Variants in ELMOD2 observed in about 807,000 individuals in gnomAD.
ELMOD2 encodes the protein ELMO domain containing 2, also known as ELMO domain-containing protein 2.
A neutral mutation model predicts 41.0 loss-of-function variants in ELMOD2; 28 were observed. The ratio of observed to expected loss-of-function variants is 0.68; its 90% CI spans 0.51 to 0.94. The LOEUF (loss-of-function observed/expected upper bound fraction) is 0.94, where lower values mean the gene tolerates loss of function less well. ELMOD2 is among the 40% of genes least tolerant of loss of function. The pLI, the probability that ELMOD2 is intolerant of heterozygous loss-of-function variation, is 0.00. For synonymous variants in ELMOD2, 106 were observed against 107.2 expected (o/e 0.99, Z 0.07); for missense variants, 333 against 343.1 (o/e 0.97, Z 0.23).
chr4:140,534,699 G>A (rs749944439), intron 3 of ELMOD2, among the ~76,000 whole-genome samples: 1 of 152,094 alleles, frequency 6.6e-6, no homozygotes, highest in Non-Finnish European at 1.5e-5. Context: ...ACAAAGTTTT[G>A]AGCATGTAAT....
At position 140,552,706 on chromosome 4, in the gene ELMOD2, A is replaced by G. The variant is rs923796014; in HGVS notation, c.*2331A>G. On this transcript the variant is annotated 3_prime_UTR_variant, in exon 9 of 9. Coordinates refer to ENST00000323570, the MANE Select transcript of ELMOD2 (RefSeq NM_153702.4). Reference sequence around the variant, plus strand: ...ATTAGTAAAATGCCAAAGTAGTGATAGAATATTGTGGCATTGAAGTAGCCG... The same window carrying G: ...ATTAGTAAAATGCCAAAGTAGTGATGGAATATTGTGGCATTGAAGTAGCCG... 1 of 152,140 alleles carries G rather than the reference A, an allele frequency of 6.6e-6. No individual in the cohort carries two copies. Among genetic ancestry groups the G allele is most frequent in the Non-Finnish European group, 1.5e-5 (1 of 67,966 alleles). The allele number at this position is 152,140 out of a possible 1,614,324, so 9.4% of individuals were successfully genotyped here. A position where few individuals can be genotyped will look rare whatever the true frequency, so the allele number is the denominator to read the frequency against.
chr4:140,546,767 T>G (rs1735301091), intron 8 of ELMOD2, among the ~76,000 whole-genome samples: 1 of 152,104 alleles, frequency 6.6e-6, no homozygotes, highest in African/African-American at 2.4e-5. Flanking sequence ...CTGTGGGAAC[T>G]GTTGCTCTCC....
At chr4:140,527,358 A>T (rs1734598288) in intron 2 of ELMOD2, 108 bp from the exon 3 acceptor site, 4 of 839,698 alleles carry the variant, frequency 4.8e-6, no homozygotes, top group Non-Finnish European at 7.8e-6. Flanking sequence ...TATCTCCTGG[A>T]ACTATTAGTT....
chr4:140,544,653 C>T (rs562657087), intron 8 of ELMOD2, among the ~76,000 whole-genome samples: 1 of 152,174 alleles, frequency 6.6e-6, no homozygotes, highest in African/African-American at 2.4e-5. Flanking sequence ...ATACCAGCCC[C>T]CCTCTCACCC....
At chr4:140,543,724 G>A (rs191195969) in intron 8 of ELMOD2, 138 bp downstream of exon 8, 17 of 663,998 alleles carry the variant, frequency 2.6e-5, no homozygotes, top group Non-Finnish European at 2.4e-5. Context: ...TAGGGTCTTT[G>A]AAAAACAAGA....
In ELMOD2 at chr4:140,524,512, C is replaced by T. The variant is rs555488160; in HGVS notation, c.-10+232C>T. Reference sequence around the variant, plus strand: ...CCGCTACGCGTGCATCCCCTCTGCTCGGCAGTTCTGCGCTTTTGTCCTAAT... The same window carrying T: ...CCGCTACGCGTGCATCCCCTCTGCTTGGCAGTTCTGCGCTTTTGTCCTAAT... On this transcript the variant is annotated intron_variant, in intron 1 of 8. Transcript: ENST00000323570. The T allele has an allele frequency of 1.5e-5, 12 of 810,158 alleles. No homozygotes were observed. In the African/African-American group the frequency reaches 1.5e-4, roughly 10 times the overall value. 50.2% of individuals were successfully genotyped at this position (810,158 alleles called of 1,614,324 possible).
intron 4 of ELMOD2, among the ~76,000 whole-genome samples, chr4:140,536,382 A>T (rs926198306): frequency 6.6e-6 from 1 of 152,120 alleles, no homozygotes; most frequent in African/African-American, 2.4e-5. Context: ...TTTCTATGTG[A>T]ATATAGAGGA....
intron 5 of ELMOD2, among the ~76,000 whole-genome samples, chr4:140,538,161 C>G (rs148666993): frequency 6.6e-6 from 1 of 152,170 alleles, no homozygotes; most frequent in Non-Finnish European, 1.5e-5. Flanking sequence ...CTTTACAGAT[C>G]ATCTAGACTA....
chr4:140,535,684 T>C, intron 3 of ELMOD2, 49 bp from the exon 4 acceptor site: 1 of 1,528,016 alleles, frequency 6.5e-7, no homozygotes, highest in Non-Finnish European at 9.0e-7. Flanking sequence ...ACTATGTCTT[T>C]TTCAGCTACA....
At chr4:140,528,797 TA>T (rs1196696170) in intron 3 of ELMOD2, among the ~76,000 whole-genome samples, 1 of 152,198 alleles carries the variant, frequency 6.6e-6, no homozygotes, top group Non-Finnish European at 1.5e-5. Context: ...TATAAGTGAA[TA>T]TTTGGGGGAA....
intron 6 of ELMOD2, 88 bp from the exon 7 acceptor site, chr4:140,542,486 A>G: frequency 1.0e-6 from 1 of 954,338 alleles, no homozygotes; most frequent in East Asian, 2.5e-5. Flanking sequence ...TAGGACTATG[A>G]TTTTGACAGT....
chr4:140,545,625 T>C (rs1054019361), intron 8 of ELMOD2, among the ~76,000 whole-genome samples: 1 of 152,192 alleles, frequency 6.6e-6, no homozygotes, highest in African/African-American at 2.4e-5. Flanking sequence ...TTGATGATTC[T>C]ACCCAAGTGT....
At chr4:140,532,748 A>G (rs1261542582) in intron 3 of ELMOD2, among the ~76,000 whole-genome samples, 1 of 152,208 alleles carries the variant, frequency 6.6e-6, no homozygotes, top group Non-Finnish European at 1.5e-5. Context: ...GCTTTTATTC[A>G]GCATCATACT....
chr4:140,537,153 A>C (rs1177543066), intron 4 of ELMOD2, among the ~76,000 whole-genome samples: 2 of 152,212 alleles, frequency 1.3e-5, no homozygotes, highest in African/African-American at 4.8e-5. Flanking sequence ...TTGCCCAGAG[A>C]AAACATGAAG....
intron 8 of ELMOD2, among the ~76,000 whole-genome samples, chr4:140,548,342 G>C (rs575666824): frequency 1.3e-5 from 2 of 152,270 alleles, no homozygotes; most frequent in South Asian, 4.1e-4. Flanking sequence ...GTGTATGGGG[G>C]ATAGAGATAG....
intron 1 of ELMOD2, 89 bp downstream of exon 1, chr4:140,524,369 C>A (rs1349981262): frequency 6.5e-6 from 1 of 153,820 alleles, no homozygotes; most frequent in Non-Finnish European, 1.4e-5. Flanking sequence ...CGGGGTTCTG[C>A]GGGAACCCGG....
At chr4:140,542,778 A>C (rs1050023993) in intron 7 of ELMOD2, 136 bp downstream of exon 7, 1 of 610,684 alleles carries the variant, frequency 1.6e-6, no homozygotes, top group Admixed American at 3.8e-5. Flanking sequence ...ATATTACATG[A>C]TACATTATTT....
chr4:140,543,363 A>G (rs1735166888), intron 7 of ELMOD2, 90 bp from the exon 8 acceptor site: 1 of 1,360,770 alleles, frequency 7.3e-7, no homozygotes, highest in Non-Finnish European at 1.0e-6. Flanking sequence ...GTTAAACCTG[A>G]AGTCACTTTC....
intron 3 of ELMOD2, among the ~76,000 whole-genome samples, chr4:140,535,157 C>G (rs1304372150): frequency 1.3e-5 from 2 of 151,246 alleles, no homozygotes; most frequent in Non-Finnish European, 2.9e-5. Flanking sequence ...CTCTCTCTCT[C>G]TCTCTCTCTC....
Sources: allele counts gnomAD v4.1 joint callset (sites outside exome capture counted in the v4.1 genomes callset), GRCh38; gene constraint gnomAD v4.1.1; transcripts MANE v1.5; gene names NCBI Gene and HGNC (gene_info 2026-07-23, HGNC 2026-07-21).